DLGAP3: variants seen among roughly 807,000 people sequenced by gnomAD.
DLGAP3 encodes the protein disks large-associated protein 3.
A neutral mutation model predicts 81.2 loss-of-function variants in DLGAP3; 17 were observed. The observed-to-expected ratio is 0.21, with a 90% CI of 0.14 to 0.31. The LOEUF (loss-of-function observed/expected upper bound fraction) is 0.31. Among genes scored for constraint, DLGAP3 ranks in the 10% least tolerant of loss-of-function variants. DLGAP3 has a pLI of 1.00. For synonymous variants in DLGAP3, 577 were observed against 587.4 expected (o/e 0.98, Z 0.26); for missense variants, 1,124 against 1,388.0 (o/e 0.81, Z 3.02).
intron 8 of DLGAP3, among the ~76,000 whole-genome samples, chr1:34,883,860 G>A (rs960115038): frequency 4.6e-5 from 7 of 151,988 alleles, no homozygotes; most frequent in Non-Finnish European, 8.8e-5. Context: ...AAATCTGGGC[G>A]AAGGACAGCA....
rs58074971 is a variant in DLGAP3 at position 34,911,022 on chromosome 1, A to ACCCC, written c.-134-3589_-134-3586dup. ...CTATTCCAAAGGATAGATATTATCC[A>ACCCC]CCCCCCCCCCACCACCTTCCAGTGT... On this transcript the variant is annotated intron_variant, in intron 1 of 11. Transcript: ENST00000373347. 5.8e-3 allele frequency among the ~76,000 whole-genome samples: 769 copies of ACCCC among 131,458 alleles called. 7 individuals carry two copies. Among genetic ancestry groups the ACCCC allele is most frequent in the Admixed American group, 0.016 (200 of 12,172 alleles). The allele number at this position is 131,458 out of a possible 152,430, so 86.2% of individuals were successfully genotyped here.
chr1:34,889,177 G>T (rs548018599), intron 5 of DLGAP3, among the ~76,000 whole-genome samples: 1 of 152,130 alleles, frequency 6.6e-6, no homozygotes. Context: ...TTTCCCTGGG[G>T]TTCTGCAGCT....
chr1:34,904,938 C>A lies in DLGAP3; in HGVS notation c.446G>T (p.Gly149Val), dbSNP rs1639520828. 6.2e-7 allele frequency: 1 copy of A among 1,612,762 alleles called. No individual in the cohort carries two copies. The highest frequency in any genetic ancestry group is 8.5e-7 in the Non-Finnish European group (1 of 1,179,776). Reference protein sequence around the residue: ...LPYQRGPAGAGPGPAPGTGTA... With the variant: ...LPYQRGPAGAVPGPAPGTGTA... ...GCCCGTCCCTGGCGCTGGCCCGGGC[C>A]CTGCCCCTGCTGGCCCTCGCTGGTA... Residue 149 changes from glycine (G) to valine (V), a missense_variant, in exon 3 of 12, where the codon GGG becomes GTG. Physicochemically the swap from Gly to Val is moderately radical, Grantham distance 109. Coordinates refer to ENST00000373347, the MANE Select transcript of DLGAP3 (RefSeq NM_001080418.3). This position sits in a 1 kb window ranked among gnomAD's most constrained non-coding sequence, Gnocchi z 8.1.
chr1:34,887,324 C>G (rs971247169), intron 5 of DLGAP3, among the ~76,000 whole-genome samples: 2 of 151,942 alleles, frequency 1.3e-5, no homozygotes, highest in African/African-American at 2.4e-5. Context: ...TCTCTACCCT[C>G]CCCCACTGAG....
At chr1:34,908,487 A>G (rs779479653) in intron 1 of DLGAP3, among the ~76,000 whole-genome samples, 2 of 152,168 alleles carry the variant, frequency 1.3e-5, no homozygotes, top group Non-Finnish European at 2.9e-5. Flanking sequence ...GAGTTCTGGC[A>G]GACAGGAAAT....
Position 34,895,237 on chromosome 1 carries a change from G to A in DLGAP3, c.1386+4432C>T, listed in dbSNP as rs1343073335. ...AAAAAAATTAGCCAGGCGTGGTGGC[G>A]GGCGCCTGTAGTCTCAGCTACTCCG... On this transcript the variant is annotated intron_variant, in intron 5 of 11. Transcript: ENST00000373347. This position sits in a 1 kb window ranked among gnomAD's most constrained non-coding sequence, Gnocchi z 4.5. Among the ~76,000 whole-genome samples the A allele has an allele frequency of 5.3e-5, 8 of 151,854 alleles. No homozygotes were observed. In the East Asian group the frequency reaches 5.8e-4, roughly 11 times the overall value.
At chr1:34,872,593 G>C (rs1638996769) in intron 8 of DLGAP3, among the ~76,000 whole-genome samples, 1 of 152,210 alleles carries the variant, frequency 6.6e-6, no homozygotes, top group South Asian at 2.1e-4. Context: ...GGAATTTGCA[G>C]ATGCGATTAA....
At chr1:34,891,895 TAACA>T (rs757815012) in intron 5 of DLGAP3, among the ~76,000 whole-genome samples, 4 of 152,180 alleles carry the variant, frequency 2.6e-5, no homozygotes, top group Non-Finnish European at 4.4e-5. Flanking sequence ...ATTCAGGGAT[TAACA>T]AACAAAGCAA....
intron 1 of DLGAP3, among the ~76,000 whole-genome samples, chr1:34,919,911 C>T (rs770026140): frequency 2.2e-4 from 34 of 152,358 alleles, no homozygotes; most frequent in Non-Finnish European, 3.4e-4. Flanking sequence ...GAATTCACAT[C>T]ACAACCCTGG....
At chr1:34,886,884 T>C (rs780071444) in intron 5 of DLGAP3, among the ~76,000 whole-genome samples, 14 of 148,780 alleles carry the variant, frequency 9.4e-5, no homozygotes, top group Non-Finnish European at 1.9e-4. Context: ...TGGAAACTAA[T>C]GCGTAAGTGA....
At chr1:34,892,436 T>C (rs1243569288) in intron 5 of DLGAP3, among the ~76,000 whole-genome samples, 1 of 151,942 alleles carries the variant, frequency 6.6e-6, no homozygotes, top group Non-Finnish European at 1.5e-5. Context: ...AAGGAAGAGA[T>C]AGGGCAGAAA....
chr1:34,907,555 T>C (rs187216077), intron 1 of DLGAP3, 118 bp from the exon 2 acceptor site: 2 of 152,734 alleles, frequency 1.3e-5, no homozygotes, highest in African/African-American at 4.8e-5. Flanking sequence ...CCAGGACTGA[T>C]TGGATCCCCC....
chr1:34,868,381 C>T lies in DLGAP3; in HGVS notation c.2485+224G>A, dbSNP rs1165304760. ...GCCTGCAGTGTCTGCAGTCCCAGCC[C>T]TGGCCTCTAAAGCTGCACCATGTGC... On this transcript the variant is annotated intron_variant, in intron 9 of 11. Transcript: ENST00000373347. This position sits in a 1 kb window ranked among gnomAD's most constrained non-coding sequence, Gnocchi z 7.5. 6.6e-6 allele frequency among the ~76,000 whole-genome samples: 1 copy of T among 152,214 alleles called. No homozygotes were observed. The highest frequency in any genetic ancestry group is 2.4e-5 in the African/African-American group (1 of 41,452).
Position 34,904,290 on chromosome 1 carries a change from T to A in DLGAP3, c.1094A>T (p.Tyr365Phe), listed in dbSNP as rs1639506108. 1 of 1,605,116 alleles carries A rather than the reference T, an allele frequency of 6.2e-7. No individual in the cohort carries two copies. The highest frequency in any genetic ancestry group is 8.5e-7 in the Non-Finnish European group (1 of 1,180,002). The change falls in exon 3 of 12, where the codon TAT (tyrosine) becomes TTT (phenylalanine). Residue 365 changes from tyrosine (Y) to phenylalanine (F), a missense_variant. Coordinates refer to ENST00000373347, the MANE Select transcript of DLGAP3 (RefSeq NM_001080418.3). This position sits in a 1 kb window ranked among gnomAD's most constrained non-coding sequence, Gnocchi z 8.1. ...AAAAAGCCTCACCTGCAGATAGTGA[T>A]AAGTCCTGGCTTTGGCCTTGGTCTC... is the stretch of plus-strand genomic sequence containing the variant. ...GPETKAKART[Y>F]HYLQVPQDDW... is the part of the protein sequence containing the mutation.
intron 1 of DLGAP3, among the ~76,000 whole-genome samples, chr1:34,913,009 C>T (rs1478540373): frequency 6.6e-6 from 1 of 152,128 alleles, no homozygotes; most frequent in African/African-American, 2.4e-5. Context: ...TAGTCCCTGG[C>T]CTCCCTCAAC....
chr1:34,903,724 C>T (rs1342171558), intron 3 of DLGAP3, among the ~76,000 whole-genome samples: 5 of 152,246 alleles, frequency 3.3e-5, no homozygotes, highest in African/African-American at 9.6e-5. Flanking sequence ...ACACATGAAA[C>T]TCCCAGGACC....
At chr1:34,928,904 ACACT>A (rs1639912858) in intron 1 of DLGAP3, among the ~76,000 whole-genome samples, 1 of 151,576 alleles carries the variant, frequency 6.6e-6, no homozygotes, top group African/African-American at 2.4e-5. Flanking sequence ...ACCACCCTCC[ACACT>A]CACGCTGCAT....
At chr1:34,870,467 G>C (rs541210782) in intron 8 of DLGAP3, among the ~76,000 whole-genome samples, 1 of 151,928 alleles carries the variant, frequency 6.6e-6, no homozygotes, top group Admixed American at 6.6e-5. Flanking sequence ...CCCAACCCCC[G>C]CAACTTCAGC....
At chr1:34,924,581 T>C (rs1410064109) in intron 1 of DLGAP3, among the ~76,000 whole-genome samples, 1 of 152,178 alleles carries the variant, frequency 6.6e-6, no homozygotes, top group Non-Finnish European at 1.5e-5. Context: ...ACCGGCGTTC[T>C]CTTAATCCAG....
Sources: allele counts gnomAD v4.1 joint callset (sites outside exome capture counted in the v4.1 genomes callset), GRCh38; gene constraint gnomAD v4.1.1; non-coding constraint Gnocchi (gnomAD v3.1); transcripts MANE v1.5; gene names NCBI Gene and HGNC (gene_info 2026-07-23, HGNC 2026-07-21).